CWC27: variants seen among roughly 807,000 people sequenced by gnomAD.
CWC27 encodes the protein spliceosome-associated protein CWC27 homolog.
In CWC27, 47 loss-of-function variants were observed where a neutral mutation model predicts 63.6. The ratio of observed to expected loss-of-function variants is 0.74; its 90% CI spans 0.58 to 0.94. The LOEUF is 0.94. CWC27 is among the 40% of genes least tolerant of loss of function. The pLI, the probability that CWC27 is intolerant of heterozygous loss-of-function variation, is 0.00. For missense variants in CWC27, 495 were observed against 554.3 expected, an observed-to-expected ratio of 0.89 and a Z score of 1.07; for synonymous variants, 175 against 179.8, an observed-to-expected ratio of 0.97 and a Z score of 0.22.
At position 64,968,682 on chromosome 5, in the gene CWC27, C is replaced by T. The variant is rs146841167; in HGVS notation, c.1043-3021C>T. 1.5e-3 allele frequency among the ~76,000 whole-genome samples: 234 copies of T among 152,138 alleles called. 1 individual carries two copies. Among genetic ancestry groups the T allele is most frequent in the African/African-American group, 5.2e-3 (216 of 41,514 alleles). ...AAAGCAGATCGCTGATGCCTCATTG[C>T]CAGAAAAAGAAAACTGACTGTAACA... On this transcript the variant is annotated intron_variant, in intron 11 of 13. Transcript: ENST00000381070.
At chr5:64,830,952 G>T (rs1745501698) in intron 10 of CWC27, among the ~76,000 whole-genome samples, 1 of 152,058 alleles carries the variant, frequency 6.6e-6, no homozygotes, top group South Asian at 2.1e-4. Context: ...CATCTGATGT[G>T]TGATTAGGGC....
At chr5:65,004,121 A>G (rs1186054338) in intron 13 of CWC27, among the ~76,000 whole-genome samples, 1 of 152,150 alleles carries the variant, frequency 6.6e-6, no homozygotes, top group Non-Finnish European at 1.5e-5. Context: ...CCGGGATTTC[A>G]GGCATGAGCC....
intron 11 of CWC27, among the ~76,000 whole-genome samples, chr5:64,888,716 A>G (rs1025321973): frequency 3.9e-5 from 6 of 151,980 alleles, no homozygotes; most frequent in Admixed American, 2.6e-4. Flanking sequence ...GAAAGGCACT[A>G]TTAGAACACC....
rs1378990931 is a variant in CWC27 at position 64,990,556 on chromosome 5, C to T, written c.1256+13318C>T. 8.6e-5 allele frequency among the ~76,000 whole-genome samples: 4 copies of T among 46,598 alleles called. 2 individuals are homozygous for T. The highest frequency in any genetic ancestry group is 2.0e-4 in the Non-Finnish European group (4 of 20,158). 30.6% of individuals were successfully genotyped at this position (46,598 alleles called of 152,430 possible). A position where few individuals can be genotyped will look rare whatever the true frequency, so the allele number is the denominator to read the frequency against. On this transcript the variant is annotated intron_variant, in intron 13 of 13. Coordinates refer to ENST00000381070, the MANE Select transcript of CWC27 (RefSeq NM_005869.4). ...CTGGGATTACAGGCGTGAGCCACCG[C>T]GCCCGGCCGAGTTTTTATTTGTTTA...
intron 10 of CWC27, among the ~76,000 whole-genome samples, chr5:64,826,061 T>C (rs1015244881): frequency 2.3e-5 from 3 of 131,302 alleles, no homozygotes; most frequent in African/African-American, 8.3e-5. Context: ...TTGTATAAGC[T>C]AATTCTTTGT....
chr5:64,852,635 G>C (rs1278541392), intron 10 of CWC27, among the ~76,000 whole-genome samples: 1 of 152,012 alleles, frequency 6.6e-6, no homozygotes, highest in Non-Finnish European at 1.5e-5. Flanking sequence ...CCATGCCCCA[G>C]CTAATTTTTG....
intron 10 of CWC27, among the ~76,000 whole-genome samples, chr5:64,835,894 C>G (rs141235043): frequency 0.01 from 1,540 of 151,872 alleles, 22 homozygotes; most frequent in Middle Eastern, 0.058. Flanking sequence ...GTGAGCCTAT[C>G]ATAATCCTTG....
chr5:64,820,626 C>T (rs577300536), intron 10 of CWC27, among the ~76,000 whole-genome samples: 18 of 152,074 alleles, frequency 1.2e-4, no homozygotes. Flanking sequence ...CAGACCTACA[C>T]AAATATAGTC....
At chr5:64,848,931 G>A (rs1462459483) in intron 10 of CWC27, among the ~76,000 whole-genome samples, 3 of 152,232 alleles carry the variant, frequency 2.0e-5, no homozygotes, top group Non-Finnish European at 4.4e-5. Flanking sequence ...CTGAAACAAG[G>A]TAAGGATGCC....
chr5:64,773,743 G>C (rs1216275766), intron 1 of CWC27: 3 of 152,114 alleles, frequency 2.0e-5, no homozygotes, highest in Admixed American at 1.3e-4. Flanking sequence ...ATTCTTTTTG[G>C]TTATTTGTGG....
intron 10 of CWC27, among the ~76,000 whole-genome samples, chr5:64,865,367 A>G (rs1251162573): frequency 2.6e-5 from 4 of 152,090 alleles, no homozygotes. Flanking sequence ...TGGAAGAATT[A>G]TTTTGAAGTT....
At chr5:65,007,016 A>AAGAAAG (rs1554030701) in intron 13 of CWC27, among the ~76,000 whole-genome samples, 1 of 151,498 alleles carries the variant, frequency 6.6e-6, no homozygotes, top group African/African-American at 2.4e-5. Flanking sequence ...GAAAGAAAGA[A>AAGAAAG]AGAAAGAAAA....
At chr5:64,948,117 G>T (rs752213340) in intron 11 of CWC27, among the ~76,000 whole-genome samples, 9 of 151,908 alleles carry the variant, frequency 5.9e-5, no homozygotes, top group African/African-American at 2.2e-4. Flanking sequence ...CCTGTTTAAG[G>T]CTTAAGCTAG....
At chr5:64,887,786 A>G (rs1315554751) in intron 11 of CWC27, among the ~76,000 whole-genome samples, 1 of 152,104 alleles carries the variant, frequency 6.6e-6, no homozygotes, top group African/African-American at 2.4e-5. Flanking sequence ...TTCATAATAA[A>G]TTCATAGTCA....
intron 10 of CWC27, among the ~76,000 whole-genome samples, chr5:64,846,404 G>A (rs1357475772): frequency 6.6e-6 from 1 of 152,156 alleles, no homozygotes; most frequent in Non-Finnish European, 1.5e-5. Context: ...TGTTGAGGGG[G>A]TATGAAAAAG....
chr5:64,853,105 G>C (rs1746176304), intron 10 of CWC27, among the ~76,000 whole-genome samples: 1 of 152,186 alleles, frequency 6.6e-6, no homozygotes, highest in Admixed American at 6.5e-5. Context: ...ACAGAATCAG[G>C]ATTGGTGAGT....
chr5:65,009,022 T>C (rs1749898779), intron 13 of CWC27, among the ~76,000 whole-genome samples: 2 of 151,998 alleles, frequency 1.3e-5, no homozygotes, highest in Admixed American at 6.5e-5. Flanking sequence ...ATGAGGCTTA[T>C]TTGGCTCACA....
chr5:64,948,993 C>A (rs911315616), intron 11 of CWC27, among the ~76,000 whole-genome samples: 1 of 151,968 alleles, frequency 6.6e-6, no homozygotes, highest in Non-Finnish European at 1.5e-5. Flanking sequence ...AATAGTTTAA[C>A]TTTGAAAACC....
intron 10 of CWC27, among the ~76,000 whole-genome samples, chr5:64,822,293 G>A (rs955402403): frequency 2.0e-5 from 3 of 152,134 alleles, no homozygotes; most frequent in Non-Finnish European, 4.4e-5. Context: ...ATATCCAAGT[G>A]GCATAAAGCT....
Sources: gnomAD v4.1 joint callset for allele counts (sites outside exome capture counted in the v4.1 genomes callset) on GRCh38, gnomAD v4.1.1 for gene constraint, MANE v1.5 for transcripts, NCBI Gene and HGNC (gene_info 2026-07-23, HGNC 2026-07-21) for gene names.